Variants in ATG5 observed in about 807,000 individuals in gnomAD.
ATG5 encodes the protein autophagy related 5.
Under a neutral mutation model 36.5 loss-of-function variants are expected in ATG5, and 14 were observed. That is an observed-to-expected ratio of 0.38 (90% CI 0.25 to 0.60). The LOEUF (loss-of-function observed/expected upper bound fraction) is 0.60, where lower values mean the gene tolerates loss of function less well. Ranked by LOEUF, ATG5 falls within the 20% of genes least tolerant of loss-of-function variation. ATG5 has a pLI of 0.60. For synonymous variants in ATG5, 95 were observed against 101.5 expected, an observed-to-expected ratio of 0.94 and a Z score of 0.38; for missense variants, 195 against 326.7, an observed-to-expected ratio of 0.60 and a Z score of 3.11.
rs150426288 is a variant in ATG5 at position 106,225,097 on chromosome 6, T to C, written c.574-23008A>G. Among the ~76,000 whole-genome samples the C allele has an allele frequency of 2.2e-3, 337 of 152,364 alleles. 2 individuals are homozygous for C. Among genetic ancestry groups the C allele is most frequent in the African/African-American group, 7.7e-3 (319 of 41,576 alleles). ...AGCTATAGTGTGCAATTTAATTTATTATGTGCCAGGCACAATAGTTTATTA... is the reference window on the plus strand; with the variant it reads ...AGCTATAGTGTGCAATTTAATTTATCATGTGCCAGGCACAATAGTTTATTA... On this transcript the variant is annotated intron_variant, in intron 6 of 7. Coordinates refer to ENST00000369076, the MANE Select transcript of ATG5 (RefSeq NM_004849.4).
chr6:106,227,768 CTG>C (rs1265265222), intron 6 of ATG5, among the ~76,000 whole-genome samples: 3 of 152,206 alleles, frequency 2.0e-5, no homozygotes, highest in African/African-American at 7.2e-5. Context: ...AATACTGTAA[CTG>C]TTCTTGCACT....
At chr6:106,209,426 C>T (rs1378257453) in intron 6 of ATG5, among the ~76,000 whole-genome samples, 3 of 152,138 alleles carry the variant, frequency 2.0e-5, no homozygotes, top group Non-Finnish European at 4.4e-5. Context: ...AAAAGTCAAT[C>T]TCAAAAGGTT....
chr6:106,196,124 C>T (rs1043411259), intron 7 of ATG5, among the ~76,000 whole-genome samples: 1 of 152,032 alleles, frequency 6.6e-6, no homozygotes, highest in African/African-American at 2.4e-5. Flanking sequence ...TATATAGGAA[C>T]ACTAAAATAA....
chr6:106,194,429 C>T (rs2284193), intron 7 of ATG5, among the ~76,000 whole-genome samples: 92,581 of 152,098 alleles, frequency 0.61, 29,570 homozygotes, highest in African/African-American at 0.81. Context: ...CTAACTGCTT[C>T]ATGTCTGAAA....
At chr6:106,323,846 T>C (rs1771194177) in intron 1 of ATG5, among the ~76,000 whole-genome samples, 1 of 152,178 alleles carries the variant, frequency 6.6e-6, no homozygotes, top group Non-Finnish European at 1.5e-5. Flanking sequence ...TCTTATAAAT[T>C]CCCACATGCT....
intron 6 of ATG5, among the ~76,000 whole-genome samples, chr6:106,246,392 T>TCTCTCA (rs1387498156): frequency 0.011 from 1,476 of 129,592 alleles, 13 homozygotes; most frequent in Non-Finnish European, 0.017. Flanking sequence ...TCTCTCTCTC[T>TCTCTCA]CACACACACA....
intron 5 of ATG5, among the ~76,000 whole-genome samples, chr6:106,278,320 G>C (rs1466453874): frequency 6.6e-6 from 1 of 152,000 alleles, no homozygotes; most frequent in African/African-American, 2.4e-5. Context: ...ATAACTTATG[G>C]GCAAGCATCT....
chr6:106,297,134 C>T (rs1404212456), intron 3 of ATG5, among the ~76,000 whole-genome samples: 1 of 152,108 alleles, frequency 6.6e-6, no homozygotes, highest in East Asian at 1.9e-4. Flanking sequence ...CAAAAAGGAA[C>T]ACATGGTAAT....
At chr6:106,239,407 C>G (rs1399055752) in intron 6 of ATG5, among the ~76,000 whole-genome samples, 1 of 152,060 alleles carries the variant, frequency 6.6e-6, no homozygotes, top group African/African-American at 2.4e-5. Context: ...TGAATTATAT[C>G]AAAATTTAAA....
chr6:106,300,444 T>C (rs1016577424), intron 3 of ATG5, among the ~76,000 whole-genome samples: 2 of 152,178 alleles, frequency 1.3e-5, no homozygotes, highest in African/African-American at 4.8e-5. Context: ...CAAAGAGTAT[T>C]AAATTCTGAG....
At chr6:106,228,946 GT>G (rs1398339638) in intron 6 of ATG5, among the ~76,000 whole-genome samples, 2 of 152,232 alleles carry the variant, frequency 1.3e-5, no homozygotes, top group Non-Finnish European at 2.9e-5. Context: ...GCAGAAAGCT[GT>G]CGTCCCGAAC....
chr6:106,301,784 C>G (rs2114650329), intron 3 of ATG5, among the ~76,000 whole-genome samples: 1 of 152,190 alleles, frequency 6.6e-6, no homozygotes, highest in East Asian at 1.9e-4. Flanking sequence ...CTGAAAGACT[C>G]TGGTCCCAAC....
chr6:106,214,470 T>A (rs1314844548), intron 6 of ATG5, among the ~76,000 whole-genome samples: 1 of 152,132 alleles, frequency 6.6e-6, no homozygotes, highest in Non-Finnish European at 1.5e-5. Flanking sequence ...AAATAATAAT[T>A]AACATTTGAA....
chr6:106,242,630 A>C (rs1387352398), intron 6 of ATG5, among the ~76,000 whole-genome samples: 1 of 123,980 alleles, frequency 8.1e-6, no homozygotes, highest in African/African-American at 3.2e-5. Flanking sequence ...TAACAACAAC[A>C]AAAAAAACAC....
chr6:106,191,279 C>T (rs1775958354), intron 7 of ATG5, among the ~76,000 whole-genome samples: 1 of 151,828 alleles, frequency 6.6e-6, no homozygotes, highest in South Asian at 2.1e-4. Context: ...ATGTAGAAAC[C>T]CAATATACAA....
chr6:106,197,200 G>A (rs904357331), intron 7 of ATG5, among the ~76,000 whole-genome samples: 8 of 152,024 alleles, frequency 5.3e-5, no homozygotes, highest in Non-Finnish European at 2.9e-5. Flanking sequence ...GTAGATTGTC[G>A]AAAAAAATCT....
intron 6 of ATG5, among the ~76,000 whole-genome samples, chr6:106,208,775 C>T (rs570250769): frequency 1.1e-4 from 17 of 152,032 alleles, no homozygotes; most frequent in South Asian, 6.2e-4. Context: ...ACCATATTTC[C>T]GAGAAAGGTC....
In ATG5 at chr6:106,237,558, G is replaced by A. The variant is rs1450991885; in HGVS notation, c.573+10592C>T. Among the ~76,000 whole-genome samples, 3 of 152,094 alleles carry A rather than the reference G, an allele frequency of 2.0e-5. No homozygotes were observed. In the East Asian group the frequency reaches 5.8e-4, roughly 29 times the overall value. ...CTTGTCTACCCCACAGAAGTGTTAT[G>A]AAAGTCAAACAAGGTAGCATAAAGG... On this transcript the variant is annotated intron_variant, in intron 6 of 7. Transcript: ENST00000369076.
chr6:106,324,743 A>G (rs757630525), intron 1 of ATG5, among the ~76,000 whole-genome samples: 2 of 152,234 alleles, frequency 1.3e-5, no homozygotes, highest in African/African-American at 4.8e-5. Context: ...ATCTGGTGTA[A>G]AATACCTCTC....
Sources: allele counts gnomAD v4.1 joint callset (sites outside exome capture counted in the v4.1 genomes callset), GRCh38; gene constraint gnomAD v4.1.1; transcripts MANE v1.5; gene names NCBI Gene and HGNC (gene_info 2026-07-23, HGNC 2026-07-21).